The following MEGF11 variants were observed in gnomAD, a reference collection of about 807,000 sequenced individuals.
MEGF11 encodes multiple EGF like domains 11.
A neutral mutation model predicts 146.6 loss-of-function variants in MEGF11; 126 were observed. The ratio of observed to expected loss-of-function variants is 0.86; its 90% CI spans 0.74 to 1.00. The LOEUF (loss-of-function observed/expected upper bound fraction) is 1.00. Ranked by LOEUF, MEGF11 falls within the 50% of genes least tolerant of loss-of-function variation. The pLI is 0.00. For missense variants in MEGF11, 1,509 were observed against 1,521.2 expected, an observed-to-expected ratio of 0.99 and a Z score of 0.13; for synonymous variants, 532 against 583.4, an observed-to-expected ratio of 0.91 and a Z score of 1.27.
chr15:66,159,057 C>A (rs888498143), intron 1 of MEGF11, among the ~76,000 whole-genome samples: 1 of 152,202 alleles, frequency 6.6e-6, no homozygotes, highest in Non-Finnish European at 1.5e-5. Context: ...AGACCTTCCA[C>A]GTTCCTGAAC....
At chr15:66,162,800 C>T (rs536678937) in intron 1 of MEGF11, among the ~76,000 whole-genome samples, 1 of 151,124 alleles carries the variant, frequency 6.6e-6, no homozygotes, top group African/African-American at 2.4e-5. Flanking sequence ...TCAGTTGTAC[C>T]TCAACAGGAA....
intron 4 of MEGF11, 55 bp from the exon 5 acceptor site, chr15:66,094,549 C>T: frequency 6.9e-7 from 1 of 1,449,844 alleles, no homozygotes; most frequent in Non-Finnish European, 9.5e-7. Flanking sequence ...GAAAACCAAC[C>T]ATCTGGTCAA....
At chr15:66,157,385 GACCTGCCATCATCCCAC>G in intron 1 of MEGF11, among the ~76,000 whole-genome samples, 1 of 152,284 alleles carries the variant, frequency 6.6e-6, no homozygotes, top group Middle Eastern at 3.4e-3. Context: ...GCAAGGTCCT[GACCTGCCATCATCCCAC>G]ACACCCCATG....
intron 5 of MEGF11, among the ~76,000 whole-genome samples, chr15:66,027,267 C>T (rs2083365391): frequency 1.3e-5 from 2 of 152,260 alleles, no homozygotes; most frequent in Non-Finnish European, 2.9e-5. Context: ...CCCTTCCAGC[C>T]ACAGGCTGAG....
intron 5 of MEGF11, among the ~76,000 whole-genome samples, chr15:66,083,075 C>T (rs1207703660): frequency 5.3e-5 from 8 of 152,124 alleles, no homozygotes; most frequent in South Asian, 2.1e-4. Context: ...GCGCCTGAGA[C>T]AGAGACACTC....
At chr15:65,899,809 A>G (rs2078448790) in intron 24 of MEGF11, among the ~76,000 whole-genome samples, 1 of 152,180 alleles carries the variant, frequency 6.6e-6, no homozygotes. Flanking sequence ...TCTTTCTGAT[A>G]CTAGAGCTCA....
intron 1 of MEGF11, among the ~76,000 whole-genome samples, chr15:66,128,762 G>C (rs1032927215): frequency 1.1e-4 from 16 of 152,148 alleles, no homozygotes; most frequent in African/African-American, 3.9e-4. Context: ...AGGGACCCCA[G>C]ATCTGGACTG....
At chr15:65,943,550 A>G (rs116452119) in intron 10 of MEGF11, among the ~76,000 whole-genome samples, 1,824 of 152,210 alleles carry the variant, frequency 0.012, 35 homozygotes, top group African/African-American at 0.041. Context: ...TACTAGATGT[A>G]CATGTGCTCT....
chr15:65,945,102 G>T (rs1346831924), intron 10 of MEGF11, among the ~76,000 whole-genome samples: 2 of 152,156 alleles, frequency 1.3e-5, no homozygotes, highest in Non-Finnish European at 2.9e-5. Flanking sequence ...CACCACATTG[G>T]CTAGGCTGGT....
chr15:66,094,646 C>T (rs1049670964), intron 4 of MEGF11, among the ~76,000 whole-genome samples, 152 bp from the exon 5 acceptor site: 5 of 152,206 alleles, frequency 3.3e-5, no homozygotes, highest in African/African-American at 1.2e-4. Flanking sequence ...TCAAGCTACA[C>T]CTGACCTGAG....
chr15:66,172,583 T>C (rs1177740348), intron 1 of MEGF11, among the ~76,000 whole-genome samples: 1 of 152,056 alleles, frequency 6.6e-6, no homozygotes, highest in East Asian at 1.9e-4. Flanking sequence ...CCCCCCTCTC[T>C]CCTAATGCTC....
intron 4 of MEGF11, among the ~76,000 whole-genome samples, chr15:66,094,814 C>T (rs1325211833): frequency 6.6e-6 from 1 of 152,190 alleles, no homozygotes; most frequent in African/African-American, 2.4e-5. Flanking sequence ...ACCTCAGCTC[C>T]TAAATCCACA....
At chr15:65,934,665 AG>A (rs1198119202) in intron 10 of MEGF11, among the ~76,000 whole-genome samples, 1 of 152,212 alleles carries the variant, frequency 6.6e-6, no homozygotes, top group Non-Finnish European at 1.5e-5. Flanking sequence ...CACCCGCTGA[AG>A]GGGGAAGGTA....
chr15:66,103,430 T>G (rs2086915528), intron 4 of MEGF11, among the ~76,000 whole-genome samples: 2 of 152,196 alleles, frequency 1.3e-5, no homozygotes, highest in African/African-American at 4.8e-5. Flanking sequence ...CACAGAGAAT[T>G]GTCTGAGAAT....
chr15:66,150,839 A>ATT (rs1290796228), intron 1 of MEGF11, among the ~76,000 whole-genome samples: 3 of 111,164 alleles, frequency 2.7e-5, no homozygotes, highest in East Asian at 6.9e-4. Flanking sequence ...AGAGAGAGAG[A>ATT]GAGAGAGAGA....
In MEGF11 at chr15:65,896,706, G is replaced by T. The variant is rs1484383734; in HGVS notation, c.*1228C>A. 4 of 152,182 alleles carry T rather than the reference G, an allele frequency of 2.6e-5. No homozygotes were observed. The highest frequency in any genetic ancestry group is 9.7e-5 in the African/African-American group (4 of 41,430). 9.4% of individuals were successfully genotyped at this position (152,182 alleles called of 1,614,324 possible). On this transcript the variant is annotated 3_prime_UTR_variant, in exon 26 of 26. Transcript: ENST00000395614. ...AAGGTATAGACACATCTGAATACTGGGATCTGGAGCATTAGCTCATTGTAA... is the reference window on the plus strand; with the variant it reads ...AAGGTATAGACACATCTGAATACTGTGATCTGGAGCATTAGCTCATTGTAA...
chr15:66,065,684 C>T (rs1164693393), intron 5 of MEGF11, among the ~76,000 whole-genome samples: 3 of 152,198 alleles, frequency 2.0e-5, no homozygotes, highest in South Asian at 2.1e-4. Context: ...TGGCCTCCTG[C>T]GGCTCTTTGC....
chr15:66,231,144 A>T (rs1318594319), intron 1 of MEGF11, among the ~76,000 whole-genome samples: 1 of 152,200 alleles, frequency 6.6e-6, no homozygotes, highest in Non-Finnish European at 1.5e-5. Context: ...ATTCTGCAGA[A>T]CTGGTGTTCC....
Position 65,912,107 on chromosome 15 carries a change from G to A in MEGF11, c.2804C>T (p.Thr935Ile), listed in dbSNP as rs2078830724. The A allele has an allele frequency of 5.7e-6, 7 of 1,232,074 alleles. No individual in the cohort carries two copies. The highest frequency in any genetic ancestry group is 1.6e-5 in the African/African-American group (1 of 64,374). 76.3% of individuals were successfully genotyped at this position (1,232,074 alleles called of 1,614,324 possible). A position where few individuals can be genotyped will look rare whatever the true frequency, so the allele number is the denominator to read the frequency against. Residue 935 changes from threonine to isoleucine, a missense_variant, in exon 21 of 26, where the codon ACT becomes ATT. Coordinates refer to ENST00000395614, the MANE Select transcript of MEGF11 (RefSeq NM_001385028.1). ...CTTGGTGGGGCTGTTCCTGTCCAGA[G>A]TGCTGGCCTGGCTGGTGGCAGGCCC... ...CGGPATSQAS[T>I]LDRNSPTKLS...
Sources: gnomAD v4.1 joint callset for allele counts (sites outside exome capture counted in the v4.1 genomes callset) on GRCh38, gnomAD v4.1.1 for gene constraint, MANE v1.5 for transcripts, NCBI Gene and HGNC (gene_info 2026-07-23, HGNC 2026-07-21) for gene names.